The following PLEKHG1 variants were observed in gnomAD, a reference collection of about 807,000 sequenced individuals.
PLEKHG1 encodes the protein pleckstrin homology domain-containing family G member 1.
Under a neutral mutation model 100.8 loss-of-function variants are expected in PLEKHG1, and 44 were observed. The ratio of observed to expected loss-of-function variants is 0.44; its 90% CI spans 0.34 to 0.56. PLEKHG1 has a LOEUF of 0.56. Among genes scored for constraint, PLEKHG1 ranks in the 20% least tolerant of loss-of-function variants. The pLI is 0.01. For synonymous variants in PLEKHG1, 640 were observed against 662.5 expected (o/e 0.97, Z 0.52); for missense variants, 1,545 against 1,720.9 (o/e 0.90, Z 1.81).
At position 150,702,557 on chromosome 6, in the gene PLEKHG1, G is replaced by GGTGTGTGTGTGTGTGTGTGTGT. The variant is rs56768740; in HGVS notation, c.-98-31014_-98-30993dup. Among the ~76,000 whole-genome samples, 1,046 of 142,878 alleles carry GGTGTGTGTGTGTGTGTGTGTGT rather than the reference G, an allele frequency of 7.3e-3. 25 individuals carry two copies. The highest frequency in any genetic ancestry group is 0.025 in the African/African-American group (928 of 37,610). 93.7% of individuals were successfully genotyped at this position (142,878 alleles called of 152,430 possible). Reference sequence around the variant, plus strand: ...AGCAGTACTTCTCATTTTGTTTTGGGGTGTGTGTGTGTGTGTGTGTGTGTG... The same window carrying GGTGTGTGTGTGTGTGTGTGTGT: ...AGCAGTACTTCTCATTTTGTTTTGGGGTGTGTGTGTGTGTGTGTGTGTGTGTGTGTGTGTGTGTGTGTGTGTG... On this transcript the variant is annotated intron_variant, in intron 3 of 3. Coordinates refer to the PLEKHG1 transcript ENST00000367326.
rs60462437 is a variant in PLEKHG1 at position 150,763,024 on chromosome 6, C to CTTTTTTTTTTTTTTTTTTTTTTTTTTT, written c.412-5594_412-5593insTTTTTTTTTTTTTTTTTTTTTTTTTTT. Among the ~76,000 whole-genome samples, 77 of 76,484 alleles carry CTTTTTTTTTTTTTTTTTTTTTTTTTTT rather than the reference C, an allele frequency of 1.0e-3. 9 individuals carry two copies. Among genetic ancestry groups the CTTTTTTTTTTTTTTTTTTTTTTTTTTT allele is most frequent in the East Asian group, 2.9e-3 (6 of 2,040 alleles). 50.2% of individuals were successfully genotyped at this position (76,484 alleles called of 152,430 possible). A position where few individuals can be genotyped will look rare whatever the true frequency, so the allele number is the denominator to read the frequency against. ...AGCACCAACAGGAGGGATAAAGCTT[C>CTTTTTTTTTTTTTTTTTTTTTTTTTTT]TTTTTTTTTTTTTTTTTTTTGAGAC... is the stretch of plus-strand genomic sequence containing the variant. On this transcript the variant is annotated intron_variant, in intron 2 of 15. Coordinates refer to ENST00000358517, the Ensembl canonical transcript of PLEKHG1.
At chr6:150,818,772 G>A (rs1359248602) in intron 11 of PLEKHG1, among the ~76,000 whole-genome samples, 1 of 152,126 alleles carries the variant, frequency 6.6e-6, no homozygotes, top group East Asian at 1.9e-4. Context: ...TTATTTTTCA[G>A]ATTAAATAGA....
chr6:150,757,093 G>A (rs1238959072), intron 2 of PLEKHG1, among the ~76,000 whole-genome samples: 6 of 152,162 alleles, frequency 3.9e-5, no homozygotes, highest in African/African-American at 7.2e-5. Flanking sequence ...TGCCTTCCAG[G>A]TTCAAGCGAT....
At chr6:150,612,257 T>C (rs9480492) in intron 1 of PLEKHG1, among the ~76,000 whole-genome samples, 15,929 of 152,272 alleles carry the variant, frequency 0.1, 834 homozygotes, top group African/African-American at 0.12. Flanking sequence ...GCGAAGCCAG[T>C]GTTGATTGAT....
intron 3 of PLEKHG1, among the ~76,000 whole-genome samples, chr6:150,774,798 T>C (rs1433049924): frequency 6.6e-6 from 1 of 151,986 alleles, no homozygotes; most frequent in African/African-American, 2.4e-5. Context: ...CCCAAAGTGC[T>C]GGGATTACAG....
intron 3 of PLEKHG1, among the ~76,000 whole-genome samples, chr6:150,660,051 C>T (rs1300176669): frequency 6.6e-6 from 1 of 151,684 alleles, no homozygotes. Context: ...TGGCAATTAG[C>T]CCAAATGTCT....
intron 2 of PLEKHG1, among the ~76,000 whole-genome samples, chr6:150,765,054 C>A (rs1784390829): frequency 6.6e-6 from 1 of 151,990 alleles, no homozygotes; most frequent in Admixed American, 6.6e-5. Flanking sequence ...TGTTAATGTG[C>A]TTTTAAACTG....
chr6:150,657,868 A>G (rs1779031139), intron 3 of PLEKHG1, among the ~76,000 whole-genome samples: 1 of 152,244 alleles, frequency 6.6e-6, no homozygotes, highest in South Asian at 2.1e-4. Context: ...CAAAAGGACC[A>G]GATGCGCCCA....
intron 15 of PLEKHG1, among the ~76,000 whole-genome samples, chr6:150,833,357 G>A (rs112013138): frequency 5.3e-5 from 8 of 152,264 alleles, no homozygotes; most frequent in African/African-American, 1.9e-4. Context: ...CTGGCCTACT[G>A]CTCAATTTTT....
exon 15 of PLEKHG1, chr6:150,832,093 A>G: frequency 6.2e-7 from 1 of 1,614,124 alleles, no homozygotes; most frequent in Non-Finnish European, 8.5e-7. Context: ...ATCAACTTTT[A>G]AAAGTGAAAA....
chr6:150,691,137 G>A (rs1030536868), intron 3 of PLEKHG1, among the ~76,000 whole-genome samples: 4 of 152,138 alleles, frequency 2.6e-5, no homozygotes, highest in African/African-American at 9.7e-5. Context: ...ATTTCACTTG[G>A]TATAGTATTT....
chr6:150,671,805 C>T (rs1335722295), intron 3 of PLEKHG1, among the ~76,000 whole-genome samples: 1 of 152,082 alleles, frequency 6.6e-6, no homozygotes, highest in East Asian at 1.9e-4. Context: ...AATGGAAAAC[C>T]AGTGAGGCTG....
chr6:150,793,879 C>T (rs1786148469), intron 4 of PLEKHG1, among the ~76,000 whole-genome samples: 2 of 152,036 alleles, frequency 1.3e-5, no homozygotes, highest in South Asian at 4.2e-4. Context: ...GTCAGGAATT[C>T]AAGACCAGCC....
At chr6:150,798,767 G>A (rs1025655661) in intron 5 of PLEKHG1, among the ~76,000 whole-genome samples, 5 of 152,174 alleles carry the variant, frequency 3.3e-5, no homozygotes, top group Admixed American at 2.0e-4. Flanking sequence ...TAGAGTTAGA[G>A]TCTCGCTCTG....
In PLEKHG1 at chr6:150,804,192, TTTTTTTTTTTTC is replaced by T. The variant is rs1221756355; in HGVS notation, c.781-417_781-406del. 3.2e-4 allele frequency among the ~76,000 whole-genome samples: 33 copies of T among 101,580 alleles called. No homozygotes were observed. The East Asian group carries it at 4.1e-3, about 13-fold the overall frequency. 66.6% of individuals were successfully genotyped at this position (101,580 alleles called of 152,430 possible). A position where few individuals can be genotyped will look rare whatever the true frequency, so the allele number is the denominator to read the frequency against. On this transcript the variant is annotated intron_variant, in intron 6 of 15. Transcript: ENST00000358517. ...ATATATATATTTTTTTTTTTTTTTT[TTTTTTTTTTTTC>T]GAGGCAGAGTCTCACTCTGTCAGCC...
intron 2 of PLEKHG1, among the ~76,000 whole-genome samples, chr6:150,749,647 A>T (rs971727694): frequency 6.6e-6 from 1 of 152,172 alleles, no homozygotes; most frequent in Non-Finnish European, 1.5e-5. Flanking sequence ...TCCTGTTCTA[A>T]AGTAGGAGCT....
intron 2 of PLEKHG1, among the ~76,000 whole-genome samples, chr6:150,760,635 C>CTT (rs34394040): frequency 1.6e-4 from 18 of 115,780 alleles, no homozygotes; most frequent in South Asian, 2.8e-4. Context: ...AAATGCTTTG[C>CTT]TTTTTTTTTT....
exon 15 of PLEKHG1, chr6:150,830,967 C>G (rs1473385784): frequency 6.2e-7 from 1 of 1,613,832 alleles, no homozygotes; most frequent in Non-Finnish European, 8.5e-7. Context: ...AACACATGCC[C>G]TCCTGAAATA....
At chr6:150,778,284 C>A (rs569895894) in intron 3 of PLEKHG1, among the ~76,000 whole-genome samples, 1 of 152,188 alleles carries the variant, frequency 6.6e-6, no homozygotes, top group Non-Finnish European at 1.5e-5. Flanking sequence ...CTCACCATCA[C>A]GCCTGGCTAA....
Sources: gnomAD v4.1 joint callset for allele counts (sites outside exome capture counted in the v4.1 genomes callset) on GRCh38, gnomAD v4.1.1 for gene constraint, MANE v1.5 for transcripts, NCBI Gene and HGNC (gene_info 2026-07-23, HGNC 2026-07-21) for gene names.